Variants in AGBL1 observed in about 807,000 individuals in gnomAD.
The protein encoded by AGBL1 is AGBL carboxypeptidase 1.
A neutral mutation model predicts 118.9 loss-of-function variants in AGBL1; 130 were observed. The ratio of observed to expected loss-of-function variants is 1.09; its 90% CI spans 0.95 to 1.26. The LOEUF (loss-of-function observed/expected upper bound fraction) is 1.26. Ranked by LOEUF, AGBL1 falls within the 50% of genes most tolerant of loss-of-function variation. AGBL1 has a pLI of 0.00. For synonymous variants in AGBL1, 555 were observed against 478.9 expected (o/e 1.16, Z -2.08); for missense variants, 1,584 against 1,298.1 (o/e 1.22, Z -3.38).
At chr15:86,384,434 A>G (rs764822145) in intron 17 of AGBL1, among the ~76,000 whole-genome samples, 7 of 152,136 alleles carry the variant, frequency 4.6e-5, no homozygotes, top group Admixed American at 6.5e-5. Context: ...TCCTGATGCG[A>G]TTACACACTT....
At chr15:86,640,039 C>T (rs1222252018) in intron 21 of AGBL1, among the ~76,000 whole-genome samples, 1 of 152,090 alleles carries the variant, frequency 6.6e-6, no homozygotes, top group East Asian at 1.9e-4. Flanking sequence ...GATAATGTGT[C>T]TGAAAGTGCA....
intron 22 of AGBL1, among the ~76,000 whole-genome samples, chr15:86,763,354 G>T (rs1360985910): frequency 6.6e-6 from 1 of 151,908 alleles, no homozygotes; most frequent in Non-Finnish European, 1.5e-5. Context: ...TCACAAAGTG[G>T]CTGAGAATAT....
intron 6 of AGBL1, among the ~76,000 whole-genome samples, chr15:86,227,013 TTTG>T (rs1567139767): frequency 6.6e-6 from 1 of 152,232 alleles, no homozygotes; most frequent in African/African-American, 2.4e-5. Context: ...CTAAATTTTT[TTTG>T]TTGTTGTTTT....
At chr15:86,973,757 C>T (rs55750101) in intron 23 of AGBL1, among the ~76,000 whole-genome samples, 6,068 of 151,356 alleles carry the variant, frequency 0.04, 154 homozygotes, top group Middle Eastern at 0.068. Context: ...ACCAGGCTTC[C>T]CCAGGTTTGT....
intron 17 of AGBL1, among the ~76,000 whole-genome samples, chr15:86,330,394 C>T (rs2080251316): frequency 6.9e-6 from 1 of 143,962 alleles, no homozygotes; most frequent in Non-Finnish European, 1.6e-5. Flanking sequence ...AACCCAAAAA[C>T]TCTGCCTAGC....
intron 24 of AGBL1, among the ~76,000 whole-genome samples, chr15:87,005,967 C>G (rs8040808): frequency 0.099 from 15,091 of 152,180 alleles, 1,334 homozygotes; most frequent in African/African-American, 0.24. Flanking sequence ...CACTCCAGAC[C>G]CTGTTTGCCT....
intron 22 of AGBL1, among the ~76,000 whole-genome samples, chr15:86,759,844 A>T (rs559677157): frequency 1.2e-3 from 182 of 152,248 alleles, no homozygotes; most frequent in African/African-American, 3.7e-3. Flanking sequence ...AATCATTTTT[A>T]AAAATCACAA....
intron 18 of AGBL1, among the ~76,000 whole-genome samples, chr15:86,450,207 G>T (rs1323475780): frequency 6.6e-6 from 1 of 152,162 alleles, no homozygotes; most frequent in Non-Finnish European, 1.5e-5. Flanking sequence ...TGATGGATTT[G>T]ACTGTTAGCT....
intron 17 of AGBL1, among the ~76,000 whole-genome samples, chr15:86,307,804 T>C (rs1345215043): frequency 6.6e-6 from 1 of 152,138 alleles, no homozygotes; most frequent in East Asian, 1.9e-4. Context: ...AAATAATTTA[T>C]ATAACATATA....
At chr15:86,344,209 G>T (rs2080502946) in intron 17 of AGBL1, among the ~76,000 whole-genome samples, 1 of 152,206 alleles carries the variant, frequency 6.6e-6, no homozygotes, top group Non-Finnish European at 1.5e-5. Context: ...AAGCAGAATT[G>T]TACCACGGGC....
At chr15:86,550,768 C>CAA (rs149416142) in intron 20 of AGBL1, among the ~76,000 whole-genome samples, 2,317 of 151,970 alleles carry the variant, frequency 0.015, 66 homozygotes, top group African/African-American at 0.052. Context: ...CTTTTCAAAA[C>CAA]AAAAGAATGT....
intron 21 of AGBL1, among the ~76,000 whole-genome samples, chr15:86,586,295 T>A (rs1315603576): frequency 6.6e-6 from 1 of 152,212 alleles, no homozygotes; most frequent in Non-Finnish European, 1.5e-5. Flanking sequence ...TAATGTTATT[T>A]AAGTGTTTGC....
At chr15:86,278,896 C>G (rs764795590) in intron 15 of AGBL1, among the ~76,000 whole-genome samples, 4 of 152,166 alleles carry the variant, frequency 2.6e-5, no homozygotes. Context: ...TCATCTTTGA[C>G]AAAGGAAAAT....
At chr15:86,817,600 GA>G (rs2078882030) in intron 22 of AGBL1, among the ~76,000 whole-genome samples, 1 of 135,110 alleles carries the variant, frequency 7.4e-6, no homozygotes, top group African/African-American at 3.1e-5. Flanking sequence ...ACACAGAGGA[GA>G]GAGAGAGAGA....
intron 5 of AGBL1, 132 bp from the exon 6 acceptor site, chr15:86,224,782 C>G: frequency 2.5e-6 from 2 of 805,282 alleles, no homozygotes; most frequent in South Asian, 3.2e-5. Flanking sequence ...GCGGGGCAAT[C>G]AATAGATTGC....
At chr15:86,270,563 G>A (rs2079144004) in intron 14 of AGBL1, among the ~76,000 whole-genome samples, 1 of 152,168 alleles carries the variant, frequency 6.6e-6, no homozygotes, top group African/African-American at 2.4e-5. Context: ...TATTTCAAAT[G>A]TTTTGAGGAA....
intron 15 of AGBL1, among the ~76,000 whole-genome samples, chr15:86,278,215 A>G (rs569227982): frequency 2.6e-5 from 4 of 152,306 alleles, no homozygotes; most frequent in African/African-American, 9.6e-5. Context: ...ACACTATTTT[A>G]AAATTTCTAT....
At position 86,908,844 on chromosome 15, in the gene AGBL1, G is replaced by A. The variant is rs2080314643; in HGVS notation, c.*1550G>A. 6.6e-6 allele frequency: 1 copy of A among 152,186 alleles called. No homozygotes were observed. Among genetic ancestry groups the A allele is most frequent in the South Asian group, 2.1e-4 (1 of 4,826 alleles). 9.4% of individuals were successfully genotyped at this position (152,186 alleles called of 1,614,324 possible). ...TGTGTATTAGTTAGGATTAGGTTTA[G>A]CTGCAAGAGATGGACAACTTATCAT... On this transcript the variant is annotated 3_prime_UTR_variant, in exon 23 of 23. Transcript: ENST00000614907.
In AGBL1 at chr15:86,847,098, T is replaced by G. The variant is rs925146286; in HGVS notation, c.3159-59989T>G. 1.5e-4 allele frequency among the ~76,000 whole-genome samples: 23 copies of G among 152,206 alleles called. 1 individual carries two copies. The highest frequency in any genetic ancestry group is 2.6e-4 in the Non-Finnish European group (18 of 68,038). Reference sequence around the variant, plus strand: ...TATTTTAGTTATTATGTTCTTCCACTCCAGAATTTTTATGTGGTTCTTTTC... The same window carrying G: ...TATTTTAGTTATTATGTTCTTCCACGCCAGAATTTTTATGTGGTTCTTTTC... On this transcript the variant is annotated intron_variant, in intron 22 of 22. Transcript: ENST00000614907.
Sources: gnomAD v4.1 joint callset for allele counts (sites outside exome capture counted in the v4.1 genomes callset) on GRCh38, gnomAD v4.1.1 for gene constraint, MANE v1.5 for transcripts, NCBI Gene and HGNC (gene_info 2026-07-23, HGNC 2026-07-21) for gene names.